Variants in MCF2L2 observed in about 807,000 individuals in gnomAD.
The protein encoded by MCF2L2 is MCF.2 cell line derived transforming sequence-like 2.
Under a neutral mutation model 150.2 loss-of-function variants are expected in MCF2L2, and 102 were observed. The ratio of observed to expected loss-of-function variants is 0.68; its 90% CI spans 0.58 to 0.80. MCF2L2 has a LOEUF of 0.80. MCF2L2 is among the 30% of genes least tolerant of loss of function. The pLI, the probability that MCF2L2 is intolerant of heterozygous loss-of-function variation, is 0.00. For missense variants in MCF2L2, 1,256 were observed against 1,372.8 expected (o/e 0.91, Z 1.34); for synonymous variants, 465 against 491.3 (o/e 0.95, Z 0.71).
intron 13 of MCF2L2, among the ~76,000 whole-genome samples, chr3:183,293,105 C>A (rs905863235): frequency 6.6e-6 from 1 of 152,116 alleles, no homozygotes; most frequent in Non-Finnish European, 1.5e-5. Context: ...CAACTATATG[C>A]TGCCTACAAC....
intron 27 of MCF2L2, among the ~76,000 whole-genome samples, chr3:183,184,374 T>G (rs567239633): frequency 2.6e-5 from 4 of 152,294 alleles, no homozygotes; most frequent in African/African-American, 9.6e-5. Context: ...GGAACGACTT[T>G]TGTCCCAGCC....
At position 183,356,059 on chromosome 3, in the gene MCF2L2, T is replaced by G. The variant is rs181705445; in HGVS notation, c.276-14429A>C. On this transcript the variant is annotated intron_variant, in intron 3 of 29. Coordinates refer to ENST00000328913, the MANE Select transcript of MCF2L2 (RefSeq NM_015078.4). Reference sequence around the variant, plus strand: ...CAGGACAGTGCCTAGGCTATAGGAGTTGAAGCTAAGGAGGAGGAAGAGCAG... The same window carrying G: ...CAGGACAGTGCCTAGGCTATAGGAGGTGAAGCTAAGGAGGAGGAAGAGCAG... Among the ~76,000 whole-genome samples, 366 of 151,220 alleles carry G rather than the reference T, an allele frequency of 2.4e-3. 1 individual carries two copies. Among genetic ancestry groups the G allele is most frequent in the Middle Eastern group, 0.01 (3 of 294 alleles).
intron 1 of MCF2L2, among the ~76,000 whole-genome samples, chr3:183,404,476 G>A (rs182173248): frequency 2.0e-5 from 3 of 152,352 alleles, no homozygotes; most frequent in East Asian, 1.9e-4. Context: ...GTTGATGGGT[G>A]TAAGTTTCCC....
chr3:183,316,754 A>G (rs1183903653), intron 7 of MCF2L2, among the ~76,000 whole-genome samples: 1 of 149,654 alleles, frequency 6.7e-6, no homozygotes, highest in Non-Finnish European at 1.5e-5. Flanking sequence ...CACCCAGGAC[A>G]GAGTGCAGTG....
chr3:183,278,870 T>C (rs998925455), intron 14 of MCF2L2, among the ~76,000 whole-genome samples: 1 of 152,222 alleles, frequency 6.6e-6, no homozygotes, highest in Non-Finnish European at 1.5e-5. Context: ...GATTTTGTCA[T>C]GCATGAGATG....
At chr3:183,356,937 A>G (rs12494348) in intron 3 of MCF2L2, among the ~76,000 whole-genome samples, 28,559 of 152,238 alleles carry the variant, frequency 0.19, 3,337 homozygotes, top group Non-Finnish European at 0.27. Flanking sequence ...CAATGGGAGA[A>G]TAAGAAATAG....
At chr3:183,336,855 C>CAA (rs566104436) in intron 5 of MCF2L2, among the ~76,000 whole-genome samples, 176 of 132,200 alleles carry the variant, frequency 1.3e-3, no homozygotes, top group Admixed American at 1.9e-3. Context: ...AACTCCATCT[C>CAA]AAAAAAAAAA....
rs1560034988 is a variant in MCF2L2, at chr3:183,351,225, TA to T, written c.276-9596del. Among the ~76,000 whole-genome samples the T allele has an allele frequency of 3.2e-3, 303 of 94,230 alleles. 5 individuals are homozygous for T. The highest frequency in any genetic ancestry group is 0.01 in the South Asian group (27 of 2,640). 61.8% of individuals were successfully genotyped at this position (94,230 alleles called of 152,430 possible). A position where few individuals can be genotyped will look rare whatever the true frequency, so the allele number is the denominator to read the frequency against. On this transcript the variant is annotated intron_variant, in intron 3 of 29. Transcript: ENST00000328913. ...ATATATATATATATATATATATATA[TA>T]TATATATATATTTATTTATTTATTT...
At chr3:183,180,396 G>C (rs1339380491) in intron 27 of MCF2L2, 2 of 455,002 alleles carry the variant, frequency 4.4e-6, no homozygotes, top group Non-Finnish European at 7.8e-6. Flanking sequence ...GCTGTTCATG[G>C]CCCTACCTCC....
intron 17 of MCF2L2, among the ~76,000 whole-genome samples, 193 bp downstream of exon 17, chr3:183,229,473 C>T (rs1723468154): frequency 1.3e-5 from 2 of 152,208 alleles, no homozygotes; most frequent in Non-Finnish European, 2.9e-5. Flanking sequence ...GATGTCTCTT[C>T]CCTTTCTCTC....
chr3:183,232,909 T>C (rs1408380617), intron 15 of MCF2L2, among the ~76,000 whole-genome samples: 1 of 152,214 alleles, frequency 6.6e-6, no homozygotes, highest in Non-Finnish European at 1.5e-5. Flanking sequence ...CTTTGGAAGG[T>C]AATTTAGAAA....
intron 10 of MCF2L2, among the ~76,000 whole-genome samples, chr3:183,302,075 C>T (rs1256074643): frequency 6.6e-6 from 1 of 152,138 alleles, no homozygotes; most frequent in East Asian, 1.9e-4. Context: ...GGCATTGAGT[C>T]TCTAATGAGC....
intron 25 of MCF2L2, among the ~76,000 whole-genome samples, chr3:183,196,915 T>C (rs1295749964): frequency 6.6e-6 from 1 of 152,146 alleles, no homozygotes; most frequent in East Asian, 1.9e-4. Context: ...GAAATCTCTT[T>C]CCGAATTGTC....
rs547708176 is a variant in MCF2L2 at position 183,212,682 on chromosome 3, A to C, written c.2496+3287T>G. ...GAGTTAATATGACTGTCACAAACTT[A>C]CTGCACAAAGAAGCAGGAAACATCT... On this transcript the variant is annotated intron_variant, in intron 22 of 29. Transcript: ENST00000328913. Among the ~76,000 whole-genome samples, 32 of 136,240 alleles carry C rather than the reference A, an allele frequency of 2.3e-4. No individual in the cohort carries two copies. The South Asian group carries it at 5.6e-3, about 24-fold the overall frequency. 89.4% of individuals were successfully genotyped at this position (136,240 alleles called of 152,430 possible).
At chr3:183,333,629 G>A (rs1730353616) in intron 5 of MCF2L2, among the ~76,000 whole-genome samples, 1 of 152,006 alleles carries the variant, frequency 6.6e-6, no homozygotes, top group African/African-American at 2.4e-5. Flanking sequence ...TTCTCCCCTT[G>A]ACTTTACCCT....
chr3:183,272,126 A>G, intron 15 of MCF2L2: 1 of 999,934 alleles, frequency 1.0e-6, no homozygotes, highest in Non-Finnish European at 1.2e-6. Context: ...AAAAGTTGCC[A>G]GTTTGGGGTT....
intron 22 of MCF2L2, among the ~76,000 whole-genome samples, chr3:183,214,203 T>C (rs573243829): frequency 1.3e-5 from 2 of 152,320 alleles, no homozygotes; most frequent in South Asian, 4.1e-4. Context: ...TAATACGTAA[T>C]TCAAGATTTA....
Position 183,251,560 on chromosome 3 carries a change from T to TA in MCF2L2, c.1863-20544dup, listed in dbSNP as rs1266012477. Among the ~76,000 whole-genome samples, 3 of 152,176 alleles carry TA rather than the reference T, an allele frequency of 2.0e-5. No homozygotes were observed. The East Asian group carries it at 5.8e-4, about 29-fold the overall frequency. On this transcript the variant is annotated intron_variant, in intron 15 of 29. Coordinates refer to ENST00000328913, the MANE Select transcript of MCF2L2 (RefSeq NM_015078.4). ...AGATCTAATCACAGGGCTCTCTGCT[T>TA]ACCAGCTGCTACTTGGATAAGGAAA...
At chr3:183,269,707 A>T in intron 15 of MCF2L2, 1 of 1,141,136 alleles carries the variant, frequency 8.8e-7, no homozygotes, top group Non-Finnish European at 1.3e-6. Flanking sequence ...ATTAAGATGG[A>T]CACCTACTCT....
Sources: gnomAD v4.1 joint callset for allele counts (sites outside exome capture counted in the v4.1 genomes callset) on GRCh38, gnomAD v4.1.1 for gene constraint, MANE v1.5 for transcripts, NCBI Gene and HGNC (gene_info 2026-07-23, HGNC 2026-07-21) for gene names.